The following PDZD2 variants were observed in gnomAD, a reference collection of about 807,000 sequenced individuals.
The protein encoded by PDZD2 is PDZ domain containing 2.
PDZD2 carries 90 observed loss-of-function variants against 220.7 expected under a neutral mutation model. The observed-to-expected ratio is 0.41, with a 90% CI of 0.34 to 0.49. The LOEUF (loss-of-function observed/expected upper bound fraction) is 0.49, where lower values mean the gene tolerates loss of function less well. Ranked by LOEUF, PDZD2 falls within the 20% of genes least tolerant of loss-of-function variation. The pLI is 0.28. For synonymous variants in PDZD2, 1,375 were observed against 1,450.5 expected (o/e 0.95, Z 1.18); for missense variants, 3,174 against 3,608.5 (o/e 0.88, Z 3.08).
At chr5:31,677,142 T>C (rs1319142490) in intron 1 of PDZD2, among the ~76,000 whole-genome samples, 2 of 152,136 alleles carry the variant, frequency 1.3e-5, no homozygotes, top group Non-Finnish European at 2.9e-5. Context: ...AGCTGAAAGC[T>C]TTGAAAGCTT....
chr5:31,856,969 A>G (rs886816606), intron 2 of PDZD2, among the ~76,000 whole-genome samples: 2 of 151,858 alleles, frequency 1.3e-5, no homozygotes, highest in African/African-American at 4.8e-5. Context: ...TACAAGGCTT[A>G]TAACTAGGGA....
At chr5:31,883,921 C>A (rs1740178883) in intron 2 of PDZD2, among the ~76,000 whole-genome samples, 1 of 152,080 alleles carries the variant, frequency 6.6e-6, no homozygotes, top group Admixed American at 6.6e-5. Flanking sequence ...TAATTTAAAT[C>A]CTGTGTTAAG....
intron 2 of PDZD2, among the ~76,000 whole-genome samples, chr5:31,919,867 T>TTTG (rs1183993511): frequency 1.3e-5 from 2 of 151,004 alleles, no homozygotes; most frequent in Non-Finnish European, 3.0e-5. Context: ...AATTTTTTTT[T>TTTG]TTATGAACCA....
intron 6 of PDZD2, among the ~76,000 whole-genome samples, chr5:32,036,039 G>A (rs1248344177): frequency 6.6e-6 from 1 of 151,964 alleles, no homozygotes; most frequent in East Asian, 1.9e-4. Flanking sequence ...TGCCTCACGA[G>A]TTCAATCAGT....
intron 2 of PDZD2, among the ~76,000 whole-genome samples, chr5:31,898,860 C>T (rs1046106580): frequency 3.6e-5 from 5 of 139,090 alleles, no homozygotes; most frequent in Admixed American, 8.0e-5. Context: ...GACGGAGTCT[C>T]GCTCTGTCAC....
At chr5:31,909,429 T>C (rs1279187378) in intron 2 of PDZD2, among the ~76,000 whole-genome samples, 1 of 152,134 alleles carries the variant, frequency 6.6e-6, no homozygotes, top group African/African-American at 2.4e-5. Flanking sequence ...AGGGCATTAA[T>C]TTGGGGAGCA....
intron 1 of PDZD2, among the ~76,000 whole-genome samples, chr5:31,716,295 T>C (rs1282980057): frequency 1.3e-5 from 2 of 152,122 alleles, no homozygotes; most frequent in African/African-American, 4.8e-5. Context: ...TCAGGTATGG[T>C]AAGAGACACA....
intron 2 of PDZD2, among the ~76,000 whole-genome samples, chr5:31,816,547 T>TA (rs1466679854): frequency 6.6e-6 from 1 of 152,188 alleles, no homozygotes; most frequent in Non-Finnish European, 1.5e-5. Context: ...TCCATAGTGA[T>TA]ATGACTTTTC....
At chr5:32,035,978 C>G (rs983932525) in intron 6 of PDZD2, among the ~76,000 whole-genome samples, 6 of 152,196 alleles carry the variant, frequency 3.9e-5, no homozygotes, top group Middle Eastern at 3.4e-3. Context: ...GAGTCTCGCT[C>G]TGTCGCCCAG....
chr5:31,658,125 A>G (rs1282223607), intron 1 of PDZD2, among the ~76,000 whole-genome samples: 2 of 152,198 alleles, frequency 1.3e-5, no homozygotes, highest in Non-Finnish European at 2.9e-5. Flanking sequence ...ATCGCAGAAT[A>G]ATGGTCTCTA....
At chr5:32,052,428 G>A (rs1738651692) in intron 8 of PDZD2, 183 bp from the exon 9 acceptor site, 1 of 544,274 alleles carries the variant, frequency 1.8e-6, no homozygotes, top group Admixed American at 3.0e-5. Context: ...TTACAGGCAT[G>A]AGCCACGGTG....
chr5:31,695,991 C>T (rs1255954568), intron 1 of PDZD2, among the ~76,000 whole-genome samples: 1 of 152,046 alleles, frequency 6.6e-6, no homozygotes, highest in Non-Finnish European at 1.5e-5. Flanking sequence ...ATCTTTTTTT[C>T]ACCCTTCTCT....
At chr5:32,099,362 C>T (rs1744041436) in intron 23 of PDZD2, 1 of 152,222 alleles carries the variant, frequency 6.6e-6, no homozygotes, top group South Asian at 2.1e-4. Flanking sequence ...GCCTTTTGTT[C>T]CTTCTCCACA....
chr5:31,873,373 G>A (rs1267815703), intron 2 of PDZD2, among the ~76,000 whole-genome samples: 2 of 151,742 alleles, frequency 1.3e-5, no homozygotes, highest in African/African-American at 4.8e-5. Context: ...GGTGAAGGCT[G>A]CAGTGAGTCA....
At chr5:31,974,508 G>T (rs1749578213) in intron 2 of PDZD2, among the ~76,000 whole-genome samples, 3 of 152,120 alleles carry the variant, frequency 2.0e-5, no homozygotes, top group Non-Finnish European at 4.4e-5. Context: ...GACTTATTTT[G>T]TGTATTTTCC....
rs185683185 is a variant in PDZD2, at chr5:31,803,516, A to G, written c.476+3792A>G. Among the ~76,000 whole-genome samples the G allele has an allele frequency of 2.0e-4, 30 of 152,042 alleles. 1 individual carries two copies. In the East Asian group the frequency reaches 5.4e-3, roughly 28 times the overall value. On this transcript the variant is annotated intron_variant, in intron 2 of 24. Transcript: ENST00000438447. ...ATAATTTCAGTAGGCTCCGGACTATATGGTCCTTAGTTGTCCCGGTGTCTG... is the reference window on the plus strand; with the variant it reads ...ATAATTTCAGTAGGCTCCGGACTATGTGGTCCTTAGTTGTCCCGGTGTCTG...
intron 2 of PDZD2, among the ~76,000 whole-genome samples, chr5:31,969,419 G>A (rs1749062588): frequency 6.7e-6 from 1 of 149,460 alleles, no homozygotes; most frequent in Admixed American, 6.7e-5. Context: ...TGAGGTGGGG[G>A]AATGGCTTGA....
chr5:31,898,423 C>T (rs10940977), intron 2 of PDZD2, among the ~76,000 whole-genome samples: 90,102 of 152,086 alleles, frequency 0.59, 28,236 homozygotes, highest in Middle Eastern at 0.74. Context: ...ACGCCCAGGG[C>T]ACTCCTGTTG....
chr5:31,914,864 A>G (rs1357888075), intron 2 of PDZD2, among the ~76,000 whole-genome samples: 1 of 152,230 alleles, frequency 6.6e-6, no homozygotes, highest in Non-Finnish European at 1.5e-5. Context: ...TAGCAGCCGC[A>G]GTAATTCTGA....
Sources: gnomAD v4.1 joint callset for allele counts (sites outside exome capture counted in the v4.1 genomes callset) on GRCh38, gnomAD v4.1.1 for gene constraint, MANE v1.5 for transcripts, NCBI Gene and HGNC (gene_info 2026-07-23, HGNC 2026-07-21) for gene names.